Variants in RNF17 observed in about 807,000 individuals in gnomAD.
The protein encoded by RNF17 is ring finger protein 17.
RNF17 carries 31 observed loss-of-function variants against 200.5 expected under a neutral mutation model. The ratio of observed to expected loss-of-function variants is 0.15; its 90% CI spans 0.12 to 0.21. RNF17 has a LOEUF of 0.21. Among genes scored for constraint, RNF17 ranks in the 10% least tolerant of loss-of-function variants. The pLI is 1.00. For missense variants in RNF17, 1,628 were observed against 1,905.1 expected, an observed-to-expected ratio of 0.85 and a Z score of 2.71; for synonymous variants, 606 against 637.8, an observed-to-expected ratio of 0.95 and a Z score of 0.75.
In RNF17 at chr13:24,824,070, A is replaced by G. The variant is rs575119978; in HGVS notation, c.2092-1549A>G. 3.8e-4 allele frequency: 248 copies of G among 648,332 alleles called. No homozygotes were observed. The African/African-American group carries it at 3.9e-3, about 10-fold the overall frequency. 40.2% of individuals were successfully genotyped at this position (648,332 alleles called of 1,614,324 possible). On this transcript the variant is annotated intron_variant, in intron 15 of 35. Coordinates refer to ENST00000255324, the MANE Select transcript of RNF17 (RefSeq NM_031277.3). ...ACTGCCACTGCTTAAGACCAAGACC[A>G]TTGTCATTCTGGGAAGAGGGTAGGG...
chr13:24,870,198 C>T (rs765790098), intron 31 of RNF17, among the ~76,000 whole-genome samples: 7 of 152,038 alleles, frequency 4.6e-5, no homozygotes, highest in African/African-American at 1.4e-4. Flanking sequence ...CACCCTGCCG[C>T]GGCCTCCAAA....
At chr13:24,809,328 T>G (rs970870345) in intron 15 of RNF17, among the ~76,000 whole-genome samples, 2 of 151,996 alleles carry the variant, frequency 1.3e-5, no homozygotes, top group Non-Finnish European at 2.9e-5. Context: ...TCAGCTCCTG[T>G]TATTGGTCTA....
chr13:24,807,220 C>A (rs1947085880), intron 15 of RNF17, among the ~76,000 whole-genome samples: 1 of 151,966 alleles, frequency 6.6e-6, no homozygotes, highest in South Asian at 2.1e-4. Flanking sequence ...TGAGGAATCG[C>A]CACACTGACT....
At chr13:24,828,478 T>C (rs973970073) in intron 16 of RNF17, among the ~76,000 whole-genome samples, 3 of 152,114 alleles carry the variant, frequency 2.0e-5, no homozygotes, top group Admixed American at 2.0e-4. Flanking sequence ...TTCAGCTGTT[T>C]CGTTGTTTAC....
intron 1 of RNF17, 193 bp downstream of exon 1, chr13:24,764,526 C>G (rs1376972160): frequency 5.4e-6 from 2 of 370,242 alleles, no homozygotes; most frequent in Non-Finnish European, 7.5e-6. Context: ...AGGGCAGCAC[C>G]TGCGCCTGTC....
Position 24,788,000 on chromosome 13 carries a change from G to A in RNF17, c.624G>A (p.Leu208=). The A allele has an allele frequency of 6.4e-7, 1 of 1,554,640 alleles. No individual in the cohort carries two copies. The highest frequency in any genetic ancestry group is 8.6e-7 in the Non-Finnish European group (1 of 1,157,112). ...ATCTTAAATGAAGGAAAAAGAACCT[G>A]TGTGAAGAATTTGCAAGAACTACTG... ...LAFFDSRKKN[L]CEEFARTTDD... is the part of the protein sequence containing the mutation. Residue 208 remains leucine (L), a synonymous_variant, in exon 7 of 36, where the codon CTG becomes CTA. Coordinates refer to ENST00000255324, the MANE Select transcript of RNF17 (RefSeq NM_031277.3).
At chr13:24,883,075 T>A (rs555292612), downstream of RNF17, 60 of 1,063,580 alleles carry the variant, frequency 5.6e-5, no homozygotes, top group African/African-American at 5.4e-4. Flanking sequence ...AATCTAATCT[T>A]TTCCCCACAC....
chr13:24,865,123 G>A, intron 29 of RNF17, 125 bp downstream of exon 29: 1 of 669,832 alleles, frequency 1.5e-6, no homozygotes, highest in Non-Finnish European at 2.4e-6. Context: ...GAGTCTAGAG[G>A]ACTTACACAT....
chr13:24,870,748 AC>A lies in RNF17; in HGVS notation c.4447+10del, dbSNP rs1894164271. 2 of 1,610,164 alleles carry A rather than the reference AC, an allele frequency of 1.2e-6. No individual in the cohort carries two copies. The highest frequency in any genetic ancestry group is 1.7e-6 in the Non-Finnish European group (2 of 1,177,894). ...GACGGATTTTAGAACAGGTATACTT[AC>A]TATATTTGAATGAAACAGGATACTT... On this transcript the variant is annotated intron_variant, in intron 32 of 35. Coordinates refer to ENST00000255324, the MANE Select transcript of RNF17 (RefSeq NM_031277.3).
intron 27 of RNF17, among the ~76,000 whole-genome samples, chr13:24,862,437 A>G (rs1046926368): frequency 7.5e-6 from 1 of 132,862 alleles, no homozygotes; most frequent in Non-Finnish European, 1.6e-5. Flanking sequence ...CTTAAATGTA[A>G]TGTTTTGTTT....
At chr13:24,802,801 A>C (rs1403025495) in intron 14 of RNF17, among the ~76,000 whole-genome samples, 2 of 152,204 alleles carry the variant, frequency 1.3e-5, no homozygotes, top group African/African-American at 4.8e-5. Flanking sequence ...CTGTAATTCT[A>C]GCACTGTGGG....
intron 15 of RNF17, among the ~76,000 whole-genome samples, chr13:24,815,493 C>G (rs1254710522): frequency 6.7e-6 from 1 of 148,722 alleles, no homozygotes. Context: ...GGGGGATTTT[C>G]TTACATAGAA....
At chr13:24,845,277 A>G (rs915796523) in intron 22 of RNF17, among the ~76,000 whole-genome samples, 198 bp downstream of exon 22, 3 of 152,222 alleles carry the variant, frequency 2.0e-5, no homozygotes, top group African/African-American at 4.8e-5. Context: ...GAAAGTGCCT[A>G]GATAGAATTC....
chr13:24,788,523 AG>A (rs755312300), intron 7 of RNF17, among the ~76,000 whole-genome samples: 5 of 152,134 alleles, frequency 3.3e-5, no homozygotes, highest in Non-Finnish European at 7.4e-5. Context: ...CAAACTGAAT[AG>A]GACTCTATTT....
chr13:24,877,130 G>A lies in RNF17; in HGVS notation c.4717G>A (p.Ala1573Thr). The change falls in exon 34 of 36, where the codon GCA (alanine) becomes ACA (threonine). Residue 1573 changes from alanine to threonine, a missense_variant. Transcript: ENST00000255324. Reference sequence around the variant, plus strand: ...ATATTGTCCCAAATGGAGCATGGAGGCACTGTGGGCTATGATAGACTGTCT... The same window carrying A: ...ATATTGTCCCAAATGGAGCATGGAGACACTGTGGGCTATGATAGACTGTCT... ...IPYCPKWSME[A>T]LWAMIDCLQG... is the part of the protein sequence containing the mutation. The A allele has an allele frequency of 6.2e-7, 1 of 1,613,600 alleles. No individual in the cohort carries two copies. Among genetic ancestry groups the A allele is most frequent in the Admixed American group, 1.7e-5 (1 of 59,948 alleles).
At chr13:24,824,147 T>G in intron 15 of RNF17, 1 of 705,966 alleles carries the variant, frequency 1.4e-6, no homozygotes, top group South Asian at 1.5e-5. Flanking sequence ...AAAATTGCTT[T>G]TACTTCATTA....
chr13:24,823,177 AATTCTCCTGCCTC>A (rs1179619583), intron 15 of RNF17, among the ~76,000 whole-genome samples: 1 of 152,034 alleles, frequency 6.6e-6, no homozygotes, highest in Non-Finnish European at 1.5e-5. Context: ...AGGTTCAAGC[AATTCTCCTGCCTC>A]AGCCTCCTGA....
intron 20 of RNF17, among the ~76,000 whole-genome samples, chr13:24,844,305 T>G (rs1891004060): frequency 6.6e-6 from 1 of 152,070 alleles, no homozygotes; most frequent in African/African-American, 2.4e-5. Flanking sequence ...ATATAAAATT[T>G]TTAGTGTGGT....
At chr13:24,872,886 A>G (rs1422873494) in intron 32 of RNF17, among the ~76,000 whole-genome samples, 2 of 152,114 alleles carry the variant, frequency 1.3e-5, no homozygotes, top group East Asian at 1.9e-4. Context: ...GGGGACAGCC[A>G]TGAACTAAAT....
Sources: gnomAD v4.1 joint callset for allele counts (sites outside exome capture counted in the v4.1 genomes callset) on GRCh38, gnomAD v4.1.1 for gene constraint, MANE v1.5 for transcripts, NCBI Gene and HGNC (gene_info 2026-07-23, HGNC 2026-07-21) for gene names.